Variants in TCF12 observed in about 807,000 individuals in gnomAD.
The protein encoded by TCF12 is transcription factor 12, also known as DNA-binding protein HTF4.
In TCF12, 45 loss-of-function variants were observed where a neutral mutation model predicts 86.0. That is an observed-to-expected ratio of 0.52 (90% CI 0.41 to 0.67). The LOEUF is 0.67. Ranked by LOEUF, TCF12 falls within the 30% of genes least tolerant of loss-of-function variation. The pLI is 0.00. For synonymous variants in TCF12, 330 were observed against 299.6 expected (o/e 1.10, Z -1.05); for missense variants, 881 against 859.9 (o/e 1.02, Z -0.31).
chr15:56,932,617 G>A (rs922028463), intron 3 of TCF12, among the ~76,000 whole-genome samples: 2 of 152,064 alleles, frequency 1.3e-5, no homozygotes. Context: ...CGCCCAGGCT[G>A]GAGTGCAATG....
At chr15:56,918,364 C>A (rs213150), upstream of TCF12, 370,647 of 418,590 alleles carry the variant, frequency 0.89, 166,009 homozygotes, top group Non-Finnish European at 0.95. Flanking sequence ...ACGGTACCTG[C>A]CACCCCGCTC....
chr15:57,258,981 G>A (rs117400901), intron 16 of TCF12, among the ~76,000 whole-genome samples: 219 of 152,022 alleles, frequency 1.4e-3, no homozygotes, highest in Non-Finnish European at 2.4e-3. Flanking sequence ...TTTGTAATAC[G>A]GTAGAAATTA....
At chr15:56,995,694 T>C (rs746880076) in intron 3 of TCF12, among the ~76,000 whole-genome samples, 11 of 152,070 alleles carry the variant, frequency 7.2e-5, no homozygotes, top group Non-Finnish European at 1.3e-4. Flanking sequence ...AGCCTTATGG[T>C]ATAGTCTTTA....
At chr15:57,004,037 T>C (rs2141079720) in intron 3 of TCF12, among the ~76,000 whole-genome samples, 1 of 152,174 alleles carries the variant, frequency 6.6e-6, no homozygotes, top group East Asian at 1.9e-4. Context: ...CTGAAGAAAA[T>C]TGGTTTTTGT....
chr15:57,177,608 C>CAGAGAGAGAGAGAGAGAGAG (rs11270421), intron 6 of TCF12, among the ~76,000 whole-genome samples: 4,037 of 122,858 alleles, frequency 0.033, 300 homozygotes, highest in Middle Eastern at 0.049. Context: ...GTTAAAAGGC[C>CAGAGAGAGAGAGAGAGAGAG]AGAGAGAGAG....
chr15:56,980,001 G>A (rs773448372), intron 3 of TCF12, among the ~76,000 whole-genome samples: 2 of 152,148 alleles, frequency 1.3e-5, no homozygotes, highest in Non-Finnish European at 2.9e-5. Flanking sequence ...AATAGATGAA[G>A]CTATTATAGA....
chr15:57,149,516 G>C (rs2053594759), intron 5 of TCF12, among the ~76,000 whole-genome samples: 1 of 152,172 alleles, frequency 6.6e-6, no homozygotes, highest in Non-Finnish European at 1.5e-5. Context: ...AAATATGTCA[G>C]CAGACTTAGT....
chr15:57,163,250 T>G (rs958727296), intron 5 of TCF12, among the ~76,000 whole-genome samples: 5 of 152,222 alleles, frequency 3.3e-5, no homozygotes, highest in Non-Finnish European at 7.3e-5. Flanking sequence ...CAAAATTGTT[T>G]ATTGATATGA....
intron 4 of TCF12, among the ~76,000 whole-genome samples, chr15:57,089,552 G>T (rs992953863): frequency 5.3e-5 from 8 of 149,962 alleles, no homozygotes; most frequent in African/African-American, 2.0e-4. Context: ...TTCAAACTTA[G>T]ATATATTTGT....
chr15:57,179,295 G>A (rs1356833062), intron 6 of TCF12, among the ~76,000 whole-genome samples: 1 of 152,146 alleles, frequency 6.6e-6, no homozygotes, highest in Non-Finnish European at 1.5e-5. Context: ...GACCAGCCTG[G>A]CCAGCATAGT....
intron 4 of TCF12, among the ~76,000 whole-genome samples, chr15:57,082,167 A>C (rs1283237429): frequency 6.6e-6 from 1 of 152,212 alleles, no homozygotes; most frequent in Non-Finnish European, 1.5e-5. Context: ...CCTGACTAGT[A>C]ACAGAATTCA....
intron 3 of TCF12, among the ~76,000 whole-genome samples, chr15:56,935,448 G>C (rs961297591): frequency 2.0e-5 from 3 of 152,030 alleles, no homozygotes; most frequent in African/African-American, 7.3e-5. Context: ...GGTCTCATAT[G>C]TGCCCTTTGG....
chr15:57,063,206 T>G (rs184835922), intron 3 of TCF12, among the ~76,000 whole-genome samples: 1 of 152,220 alleles, frequency 6.6e-6, no homozygotes, highest in Non-Finnish European at 1.5e-5. Context: ...AGGGTGAGTT[T>G]TCATGTCATT....
At chr15:57,261,734 G>A (rs1468699949) in intron 16 of TCF12, among the ~76,000 whole-genome samples, 1 of 77,126 alleles carries the variant, frequency 1.3e-5, no homozygotes, top group Non-Finnish European at 2.6e-5. Context: ...AATGTATTTA[G>A]GTATTATATG....
chr15:57,009,187 C>T (rs1308496068), intron 3 of TCF12, among the ~76,000 whole-genome samples: 1 of 152,120 alleles, frequency 6.6e-6, no homozygotes, highest in East Asian at 1.9e-4. Flanking sequence ...TGGCTTACTG[C>T]ACCCTCTGCC....
intron 3 of TCF12, among the ~76,000 whole-genome samples, chr15:57,052,969 C>CT (rs1371316712): frequency 1.3e-5 from 2 of 152,092 alleles, no homozygotes; most frequent in African/African-American, 4.8e-5. Context: ...TTTTGGATAA[C>CT]TATCTAGTAG....
chr15:56,975,687 G>A (rs1245550015), intron 3 of TCF12, among the ~76,000 whole-genome samples: 1 of 151,882 alleles, frequency 6.6e-6, no homozygotes, highest in African/African-American at 2.4e-5. Flanking sequence ...GTGAGGCACT[G>A]CTAAACTTTT....
At chr15:56,983,717 G>T (rs2063006802) in intron 3 of TCF12, among the ~76,000 whole-genome samples, 1 of 151,940 alleles carries the variant, frequency 6.6e-6, no homozygotes, top group South Asian at 2.1e-4. Flanking sequence ...TTTTGTTCAA[G>T]GGGCTAGGCA....
At position 57,206,212 on chromosome 15, in the gene TCF12, A is replaced by G. The variant is rs545116711; in HGVS notation, c.579+8387A>G. Among the ~76,000 whole-genome samples the G allele has an allele frequency of 4.6e-5, 7 of 152,320 alleles. No individual in the cohort carries two copies. The South Asian group carries it at 1.2e-3, about 27-fold the overall frequency. On this transcript the variant is annotated intron_variant, in intron 8 of 20. Transcript: ENST00000333725. ...GGGTCTTAAGGCACTAAAGAATACA[A>G]GGTAATGAGGCCAGGCGTGATGGCT...
Sources: allele counts gnomAD v4.1 joint callset (sites outside exome capture counted in the v4.1 genomes callset), GRCh38; gene constraint gnomAD v4.1.1; transcripts MANE v1.5; gene names NCBI Gene and HGNC (gene_info 2026-07-23, HGNC 2026-07-21).